Variants in USP34 observed in about 807,000 individuals in gnomAD.
USP34 encodes ubiquitin carboxyl-terminal hydrolase 34.
USP34 carries 70 observed loss-of-function variants against 460.3 expected under a neutral mutation model. The observed-to-expected ratio is 0.15, with a 90% CI of 0.13 to 0.19. The LOEUF (loss-of-function observed/expected upper bound fraction) is 0.19. Ranked by LOEUF, USP34 falls within the 10% of genes least tolerant of loss-of-function variation. The pLI is 1.00. For missense variants in USP34, 3,985 were observed against 4,236.2 expected, an observed-to-expected ratio of 0.94 and a Z score of 1.65; for synonymous variants, 1,647 against 1,405.3, an observed-to-expected ratio of 1.17 and a Z score of -3.85.
At chr2:61,192,488 C>T (rs139069982) in intron 76 of USP34, among the ~76,000 whole-genome samples, 29 of 152,248 alleles carry the variant, frequency 1.9e-4, no homozygotes, top group African/African-American at 6.7e-4. Flanking sequence ...TTATGAAAAG[C>T]TAAAGGACAG....
intron 8 of USP34, among the ~76,000 whole-genome samples, chr2:61,371,566 A>G (rs1034455840): frequency 6.6e-6 from 1 of 152,156 alleles, no homozygotes; most frequent in Non-Finnish European, 1.5e-5. Context: ...ACGTTAAAAA[A>G]TTTTAAGTTT....
intron 1 of USP34, among the ~76,000 whole-genome samples, chr2:61,443,925 G>A (rs534633709): frequency 2.0e-5 from 3 of 152,060 alleles, no homozygotes; most frequent in African/African-American, 7.2e-5. Context: ...TGGCATACCG[G>A]AAATATCTGC....
intron 41 of USP34, among the ~76,000 whole-genome samples, chr2:61,277,379 G>A (rs1242940309): frequency 6.6e-6 from 1 of 151,894 alleles, no homozygotes; most frequent in Non-Finnish European, 1.5e-5. Context: ...TGAGACTACA[G>A]GTGTGTGCCA....
chr2:61,304,407 T>C (rs1376594682), intron 27 of USP34, among the ~76,000 whole-genome samples: 2 of 152,226 alleles, frequency 1.3e-5, no homozygotes, highest in African/African-American at 4.8e-5. Flanking sequence ...ATTCTATGTG[T>C]TAATGACAAG....
In USP34 at chr2:61,269,210, A is replaced by G. The variant is rs371487426; in HGVS notation, c.5434-3043T>C. On this transcript the variant is annotated intron_variant, in intron 41 of 79. Transcript: ENST00000398571. Reference sequence around the variant, plus strand: ...ACGATCTCACTCTATCACCCAGGCTAGCGACAGTGGTGGGATCATGGCTCA... The same window carrying G: ...ACGATCTCACTCTATCACCCAGGCTGGCGACAGTGGTGGGATCATGGCTCA... Among the ~76,000 whole-genome samples, 3 of 152,238 alleles carry G rather than the reference A, an allele frequency of 2.0e-5. No homozygotes were observed. The East Asian group carries it at 5.8e-4, about 29-fold the overall frequency.
Position 61,294,991 on chromosome 2 carries a change from A to C in USP34, c.4419T>G (p.Ser1473Arg). 6.2e-7 allele frequency: 1 copy of C among 1,613,164 alleles called. No homozygotes were observed. The highest frequency in any genetic ancestry group is 8.5e-7 in the Non-Finnish European group (1 of 1,179,626). The change falls in exon 32 of 80, where the codon AGT (serine) becomes AGG (arginine). Residue 1473 changes from serine to arginine, a missense_variant. By Grantham distance (110) the Ser-to-Arg change is moderately radical. This residue lies in a region of USP34 where 1,114 missense variants were observed against 1,122.5 expected (regional missense o/e 0.99). Coordinates refer to ENST00000398571, the MANE Select transcript of USP34 (RefSeq NM_014709.4). ...TTTTACTATTTTCCACTTGATCTTC[A>C]CTTGAATCATCTGAATCTGGATAAA... is the stretch of plus-strand genomic sequence containing the variant. ...SDLYPDSDDSSEDQVENSKNS... is the reference protein window; with the variant it reads ...SDLYPDSDDSREDQVENSKNS...
chr2:61,261,261 T>A (rs577250057), intron 43 of USP34, among the ~76,000 whole-genome samples: 27 of 152,266 alleles, frequency 1.8e-4, no homozygotes, highest in Non-Finnish European at 1.5e-5. Context: ...AACCCAAGTA[T>A]CCACTGATAA....
chr2:61,229,763 T>C (rs1447278943), intron 58 of USP34, 130 bp from the exon 59 acceptor site: 12 of 685,058 alleles, frequency 1.8e-5, no homozygotes, highest in Non-Finnish European at 2.6e-5. Context: ...ATTCTGGAGC[T>C]CTTCTGGAGT....
intron 43 of USP34, among the ~76,000 whole-genome samples, chr2:61,262,030 G>T (rs889374382): frequency 1.4e-5 from 2 of 141,146 alleles, no homozygotes; most frequent in Non-Finnish European, 3.0e-5. Flanking sequence ...GGCAGAGGTT[G>T]CAGTGAGCCA....
At chr2:61,326,289 C>G (rs1279172092) in intron 20 of USP34, among the ~76,000 whole-genome samples, 2 of 152,146 alleles carry the variant, frequency 1.3e-5, no homozygotes, top group African/African-American at 4.8e-5. Flanking sequence ...CTCACTGCAA[C>G]CTCTGCCTTC....
intron 21 of USP34, among the ~76,000 whole-genome samples, chr2:61,319,689 CA>C (rs1438456479): frequency 6.6e-6 from 1 of 151,908 alleles, no homozygotes; most frequent in African/African-American, 2.4e-5. Flanking sequence ...TATTAAAATA[CA>C]AAAAATTAGC....
At chr2:61,467,397 G>A (rs1320662033) in intron 1 of USP34, among the ~76,000 whole-genome samples, 3 of 152,114 alleles carry the variant, frequency 2.0e-5, no homozygotes, top group South Asian at 2.1e-4. Context: ...CAATCCTCCT[G>A]CCTCAGCCTC....
intron 41 of USP34, among the ~76,000 whole-genome samples, chr2:61,272,413 A>AC (rs1458940117): frequency 1.7e-4 from 26 of 149,170 alleles, no homozygotes; most frequent in Non-Finnish European, 2.5e-4. Flanking sequence ...CCCATCTCAA[A>AC]AAAAAAAAAA....
At chr2:61,431,674 G>T (rs543584457) in intron 1 of USP34, among the ~76,000 whole-genome samples, 4 of 152,178 alleles carry the variant, frequency 2.6e-5, no homozygotes, top group South Asian at 2.1e-4. Context: ...GGCCAATCTG[G>T]TGAAACCCCA....
intron 15 of USP34, 126 bp from the exon 16 acceptor site, chr2:61,344,155 A>C (rs1691689992): frequency 1.2e-6 from 1 of 829,330 alleles, no homozygotes; most frequent in African/African-American, 1.7e-5. Flanking sequence ...CTTATTAACA[A>C]TATGGAATGT....
At chr2:61,358,848 G>C (rs1352418174) in intron 10 of USP34, among the ~76,000 whole-genome samples, 1 of 152,072 alleles carries the variant, frequency 6.6e-6, no homozygotes, top group African/African-American at 2.4e-5. Flanking sequence ...AGAAAATTAA[G>C]AAAGTAACAC....
At chr2:61,403,050 T>C (rs1300003939) in intron 3 of USP34, among the ~76,000 whole-genome samples, 1 of 152,038 alleles carries the variant, frequency 6.6e-6, no homozygotes, top group Non-Finnish European at 1.5e-5. Flanking sequence ...AAAAGAAAAT[T>C]AAAGAGGCAC....
intron 3 of USP34, among the ~76,000 whole-genome samples, chr2:61,397,819 A>T (rs1319683226): frequency 6.6e-6 from 1 of 152,148 alleles, no homozygotes; most frequent in Non-Finnish European, 1.5e-5. Flanking sequence ...GAACTGCCTG[A>T]ACCCAGGAGA....
intron 48 of USP34, among the ~76,000 whole-genome samples, chr2:61,249,116 A>G (rs776034688): frequency 1.3e-5 from 2 of 152,250 alleles, no homozygotes; most frequent in East Asian, 3.8e-4. Context: ...CAATTCTAAC[A>G]ATACACTGTT....
Sources: gnomAD v4.1 joint callset for allele counts (sites outside exome capture counted in the v4.1 genomes callset) on GRCh38, gnomAD v4.1.1 for gene constraint, gnomAD v4.1.1 regional missense constraint, MANE v1.5 for transcripts, NCBI Gene and HGNC (gene_info 2026-07-23, HGNC 2026-07-21) for gene names.